KCNQ2: variants seen among roughly 807,000 people sequenced by gnomAD.
KCNQ2 encodes the protein potassium voltage-gated channel subfamily Q member 2.
A neutral mutation model predicts 84.8 loss-of-function variants in KCNQ2; 14 were observed. The observed-to-expected ratio is 0.17, with a 90% CI of 0.11 to 0.26. The LOEUF (loss-of-function observed/expected upper bound fraction) is 0.26, where lower values mean the gene tolerates loss of function less well. Among genes scored for constraint, KCNQ2 ranks in the 10% least tolerant of loss-of-function variants. The pLI, the probability that KCNQ2 is intolerant of heterozygous loss-of-function variation, is 1.00. For missense variants in KCNQ2, 788 were observed against 1,254.0 expected, an observed-to-expected ratio of 0.63 and a Z score of 5.61; for synonymous variants, 599 against 554.1, an observed-to-expected ratio of 1.08 and a Z score of -1.14.
Position 63,401,723 on chromosome 20 carries a change from A to G in KCNQ2, c.*4921T>C, listed in dbSNP as rs1052112561. On this transcript the variant is annotated 3_prime_UTR_variant, in exon 17 of 17. Coordinates refer to ENST00000359125, the MANE Select transcript of KCNQ2 (RefSeq NM_172107.4). ...GAGGCACCGGACAGGATCAGAGGAC[A>G]CTGGGGGCACCCGTGCACTGAGCAC... 3.9e-5 allele frequency: 7 copies of G among 178,652 alleles called. No homozygotes were observed. The South Asian group carries it at 4.6e-4, about 12-fold the overall frequency. 11.1% of individuals were successfully genotyped at this position (178,652 alleles called of 1,614,324 possible).
chr20:63,438,987 C>A lies in KCNQ2; in HGVS notation c.928-267G>T, dbSNP rs2081083070. Among the ~76,000 whole-genome samples, 1 of 152,186 alleles carries A rather than the reference C, an allele frequency of 6.6e-6. No homozygotes were observed. The highest frequency in any genetic ancestry group is 1.5e-5 in the Non-Finnish European group (1 of 68,048). On this transcript the variant is annotated intron_variant, in intron 6 of 16. Coordinates refer to ENST00000359125, the MANE Select transcript of KCNQ2 (RefSeq NM_172107.4). This position sits in a 1 kb window ranked among gnomAD's most constrained non-coding sequence, Gnocchi z 5.1. Reference sequence around the variant, plus strand: ...TCAGACTAATCCAGGAACCCATATCCCCACAATTTGTCAGCATCAAGAGGA... The same window carrying A: ...TCAGACTAATCCAGGAACCCATATCACCACAATTTGTCAGCATCAAGAGGA...
At chr20:63,463,456 C>T (rs1490269639) in intron 1 of KCNQ2, among the ~76,000 whole-genome samples, 2 of 152,020 alleles carry the variant, frequency 1.3e-5, no homozygotes, top group Non-Finnish European at 2.9e-5. Context: ...GGCTCAGCCT[C>T]CATGACAAAC....
At position 63,433,868 on chromosome 20, in the gene KCNQ2, G is replaced by C. The variant is rs2080905502; in HGVS notation, c.1059C>G (p.Arg353=). Residue 353 remains arginine (R), a synonymous_variant, in exon 8 of 17, where the codon CGC becomes CGG. Transcript: ENST00000359125. ...ACTGCCACGTGGAGTGCAGGTCTGT[G>C]CGCGAGAGGTTGGTGGCGTAGAATC... ...AWRFYATNLS[R]TDLHSTWQYY... is the part of the protein sequence containing the mutation. 2.5e-6 allele frequency: 4 copies of C among 1,613,788 alleles called. No homozygotes were observed. Among genetic ancestry groups the C allele is most frequent in the Non-Finnish European group, 2.5e-6 (3 of 1,179,928 alleles).
intron 1 of KCNQ2, among the ~76,000 whole-genome samples, chr20:63,462,831 G>T (rs1041417241): frequency 6.6e-6 from 1 of 152,150 alleles, no homozygotes; most frequent in Non-Finnish European, 1.5e-5. Context: ...CAGGGAGAGG[G>T]GGCCACACGC....
intron 4 of KCNQ2, among the ~76,000 whole-genome samples, chr20:63,444,334 G>A (rs983974711): frequency 4.6e-5 from 7 of 152,218 alleles, no homozygotes; most frequent in Non-Finnish European, 1.0e-4. Context: ...TAAAAACCCA[G>A]GAAAGAAGAC....
At chr20:63,420,500 C>T (rs955189749) in intron 11 of KCNQ2, among the ~76,000 whole-genome samples, 4 of 149,504 alleles carry the variant, frequency 2.7e-5, no homozygotes, top group African/African-American at 9.9e-5. Context: ...TGAGACAGCA[C>T]TTCTCAAACT....
Position 63,425,856 on chromosome 20 carries a change from G to T in KCNQ2, c.1218-1650C>A, listed in dbSNP as rs893338204. On this transcript the variant is annotated intron_variant, in intron 10 of 16. Transcript: ENST00000359125. This position sits in a 1 kb window ranked among gnomAD's most constrained non-coding sequence, Gnocchi z 5.5. ...TGGGGCTAAAGTCCTCCATGCATGG[G>T]CTTGTGAACTAGAAAACAAGCCATC... 7.2e-5 allele frequency among the ~76,000 whole-genome samples: 11 copies of T among 152,238 alleles called. No individual in the cohort carries two copies. Among genetic ancestry groups the T allele is most frequent in the Non-Finnish European group, 1.6e-4 (11 of 68,040 alleles).
rs1254452839 is a variant in KCNQ2 at position 63,460,913 on chromosome 20, G to A, written c.296+11255C>T. On this transcript the variant is annotated intron_variant, in intron 1 of 16. Coordinates refer to ENST00000359125, the MANE Select transcript of KCNQ2 (RefSeq NM_172107.4). The surrounding 1 kb of genome is among the most constrained non-coding windows in gnomAD (Gnocchi z 5.4). ...GGTGCTGCGGCAGCCCCAGGTCAGA[G>A]ACAAGCCAACTACCTGGCACGCGAG... is the stretch of plus-strand genomic sequence containing the variant. 6.6e-6 allele frequency: 1 copy of A among 152,258 alleles called. No individual in the cohort carries two copies. Among genetic ancestry groups the A allele is most frequent in the Non-Finnish European group, 1.5e-5 (1 of 68,056 alleles). 9.4% of individuals were successfully genotyped at this position (152,258 alleles called of 1,614,324 possible).
rs1465655222 is a variant in KCNQ2, at chr20:63,425,325, A to G, written c.1218-1119T>C. On this transcript the variant is annotated intron_variant, in intron 10 of 16. Transcript: ENST00000359125. The surrounding 1 kb of genome is among the most constrained non-coding windows in gnomAD (Gnocchi z 5.5). The stretch of plus-strand genomic sequence containing the variant: ...CACTGCATTCCCCCGACCCCCCAAA[A>G]TTCATGTCCATCTTACATCGAGAAT... Among the ~76,000 whole-genome samples the G allele has an allele frequency of 6.6e-6, 1 of 151,850 alleles. No individual in the cohort carries two copies. Among genetic ancestry groups the G allele is most frequent in the African/African-American group, 2.4e-5 (1 of 41,332 alleles).
At chr20:63,424,029 C>T (rs1568898727) in intron 11 of KCNQ2, 148 bp downstream of exon 11, 13 of 808,380 alleles carry the variant, frequency 1.6e-5, no homozygotes, top group Non-Finnish European at 1.6e-5. Context: ...CACCGCCAGG[C>T]GGGGGTCTGG....
In KCNQ2 at chr20:63,414,222, G is replaced by T. The variant is rs2080214982; in HGVS notation, c.1526-29C>A. The stretch of plus-strand genomic sequence containing the variant: ...GGGGGAAGGAGACAGGCCGTGAGGG[G>T]CCGAGGGGGCCGGGAGACCTATTCC... On this transcript the variant is annotated intron_variant, in intron 13 of 16. Coordinates refer to ENST00000359125, the MANE Select transcript of KCNQ2 (RefSeq NM_172107.4). This position sits in a 1 kb window ranked among gnomAD's most constrained non-coding sequence, Gnocchi z 6.6. 3.3e-6 allele frequency: 5 copies of T among 1,520,338 alleles called. No homozygotes were observed. The highest frequency in any genetic ancestry group is 1.4e-5 in the African/African-American group (1 of 73,084). 94.2% of individuals were successfully genotyped at this position (1,520,338 alleles called of 1,614,324 possible). A position where few individuals can be genotyped will look rare whatever the true frequency, so the allele number is the denominator to read the frequency against.
At chr20:63,434,393 G>A (rs1254981791) in intron 7 of KCNQ2, 1 of 172,106 alleles carries the variant, frequency 5.8e-6, no homozygotes, top group African/African-American at 2.4e-5. Context: ...AACCTCGCCT[G>A]GCTGGATTTC....
At chr20:63,416,890 CCAGACCATCTGTGCCCACTCAG>C (rs1289056051) in intron 12 of KCNQ2, among the ~76,000 whole-genome samples, 3 of 152,278 alleles carry the variant, frequency 2.0e-5, no homozygotes, top group East Asian at 1.9e-4. Context: ...AGGTGACCGC[CCAGACCATCTGTGCCCACTCAG>C]CAGACCATCT....
At chr20:63,431,392 C>G in intron 8 of KCNQ2, 23 bp from the exon 9 acceptor site, 1 of 1,613,130 alleles carries the variant, frequency 6.2e-7, no homozygotes, top group Non-Finnish European at 8.5e-7. Flanking sequence ...TCCACACACA[C>G]AAAGGGAAAA....
rs879666633 is a variant in KCNQ2 at position 63,442,695 on chromosome 20, C to CCAT, written c.691-165_691-164insATG. 0.11 allele frequency among the ~76,000 whole-genome samples: 9,356 copies of CCAT among 86,290 alleles called. 409 individuals are homozygous for CCAT. Among genetic ancestry groups the CCAT allele is most frequent in the Non-Finnish European group, 0.16 (6,217 of 39,064 alleles). 56.6% of individuals were successfully genotyped at this position (86,290 alleles called of 152,430 possible). A position where few individuals can be genotyped will look rare whatever the true frequency, so the allele number is the denominator to read the frequency against. On this transcript the variant is annotated intron_variant, in intron 4 of 16. Coordinates refer to ENST00000359125, the MANE Select transcript of KCNQ2 (RefSeq NM_172107.4). ...ACCACCACCACCACCATCACCATCA[C>CCAT]CACCATCACCATCACCACCACCACC...
At chr20:63,410,762 C>A (rs913825310) in intron 15 of KCNQ2, among the ~76,000 whole-genome samples, 1 of 152,216 alleles carries the variant, frequency 6.6e-6, no homozygotes, top group African/African-American at 2.4e-5. Flanking sequence ...GTCAGACTCA[C>A]CCCAGACGCC....
Position 63,408,798 on chromosome 20 carries a change from C to T in KCNQ2, c.1764-262G>A, listed in dbSNP as rs575857107. 6.6e-6 allele frequency among the ~76,000 whole-genome samples: 1 copy of T among 152,346 alleles called. No individual in the cohort carries two copies. The highest frequency in any genetic ancestry group is 2.4e-5 in the African/African-American group (1 of 41,576). On this transcript the variant is annotated intron_variant, in intron 15 of 16. Transcript: ENST00000359125. This position sits in a 1 kb window ranked among gnomAD's most constrained non-coding sequence, Gnocchi z 5.0. ...TAGCGAGGAGTAAAGTAAGGACGCTCCCACCAGGGCCGAGTCGCCCGGCTC... is the reference window on the plus strand; with the variant it reads ...TAGCGAGGAGTAAAGTAAGGACGCTTCCACCAGGGCCGAGTCGCCCGGCTC...
intron 1 of KCNQ2, among the ~76,000 whole-genome samples, chr20:63,465,841 C>A (rs368482829): frequency 6.6e-6 from 1 of 152,208 alleles, no homozygotes; most frequent in Non-Finnish European, 1.5e-5. Flanking sequence ...AAAGGGCATC[C>A]GCGTTCCGGG....
Position 63,403,363 on chromosome 20 carries a change from G to C in KCNQ2, c.*3281C>G, listed in dbSNP as rs909792086. ...CAAAGAGAAAGACCAGAGACAGAAG[G>C]GCTCCAAGGCTGGAAGTGCGAGGAG... is the stretch of plus-strand genomic sequence containing the variant. On this transcript the variant is annotated 3_prime_UTR_variant, in exon 17 of 17. Transcript: ENST00000359125. 2 of 152,336 alleles carry C rather than the reference G, an allele frequency of 1.3e-5. No individual in the cohort carries two copies. Among genetic ancestry groups the C allele is most frequent in the Non-Finnish European group, 2.9e-5 (2 of 68,110 alleles). 9.4% of individuals were successfully genotyped at this position (152,336 alleles called of 1,614,324 possible). A position where few individuals can be genotyped will look rare whatever the true frequency, so the allele number is the denominator to read the frequency against.
Sources: allele counts gnomAD v4.1 joint callset (sites outside exome capture counted in the v4.1 genomes callset), GRCh38; gene constraint gnomAD v4.1.1; non-coding constraint Gnocchi (gnomAD v3.1); transcripts MANE v1.5; gene names NCBI Gene and HGNC (gene_info 2026-07-23, HGNC 2026-07-21).